The following NAA30 variants were observed in gnomAD, a reference collection of about 807,000 sequenced individuals.
NAA30 encodes N-alpha-acetyltransferase 30.
NAA30 carries 5 observed loss-of-function variants against 31.4 expected under a neutral mutation model. The observed-to-expected ratio is 0.16, with a 90% CI of 0.08 to 0.33. The LOEUF (loss-of-function observed/expected upper bound fraction) is 0.33. NAA30 is among the 10% of genes least tolerant of loss of function. The pLI is 1.00. For missense variants in NAA30, 428 were observed against 490.8 expected (o/e 0.87, Z 1.21); for synonymous variants, 222 against 207.1 (o/e 1.07, Z -0.62).
rs1192106784 is a variant in NAA30, at chr14:57,414,697, T to A, written c.*5181T>A. On this transcript the variant is annotated 3_prime_UTR_variant, in exon 5 of 5. Transcript: ENST00000556492. ...ATTTTTCTGCCTTCCATCACCGCAG[T>A]GTATTACCTTTGACCCTCGCTGGTC... 6.6e-6 allele frequency: 1 copy of A among 152,182 alleles called. No homozygotes were observed. Among genetic ancestry groups the A allele is most frequent in the Non-Finnish European group, 1.5e-5 (1 of 68,038 alleles). The allele number at this position is 152,182 out of a possible 1,614,324, so 9.4% of individuals were successfully genotyped here.
intron 4 of NAA30, among the ~76,000 whole-genome samples, chr14:57,407,351 T>C (rs1349032023): frequency 1.3e-5 from 2 of 152,192 alleles, no homozygotes; most frequent in African/African-American, 4.8e-5. Flanking sequence ...TTAGCATTGG[T>C]CCCTGCTGTT....
In NAA30 at chr14:57,390,681, C is replaced by T. The variant is rs1469635884; in HGVS notation, c.-26C>T. The T allele has an allele frequency of 1.3e-5, 5 of 387,334 alleles. No homozygotes were observed. Among genetic ancestry groups the T allele is most frequent in the Non-Finnish European group, 2.3e-5 (5 of 219,444 alleles). The allele number at this position is 387,334 out of a possible 1,614,324, so 24.0% of individuals were successfully genotyped here. On this transcript the variant is annotated 5_prime_UTR_variant, in exon 1 of 5. Coordinates refer to ENST00000556492, the MANE Select transcript of NAA30 (RefSeq NM_001011713.3). ...GGTGGCGGAGGAAGAGGAGTGGCGG[C>T]AGCGGCGGCGGGGACCCGTGCGGGG...
chr14:57,392,378 A>G (rs145999110), intron 2 of NAA30, among the ~76,000 whole-genome samples: 1 of 152,128 alleles, frequency 6.6e-6, no homozygotes, highest in Non-Finnish European at 1.5e-5. Context: ...TGTGGAATGT[A>G]GAAAACTTGT....
intron 2 of NAA30, among the ~76,000 whole-genome samples, chr14:57,393,995 C>T (rs1338869830): frequency 1.3e-5 from 2 of 151,744 alleles, no homozygotes; most frequent in Non-Finnish European, 2.9e-5. Flanking sequence ...TTCCGTTTTC[C>T]GTGGATAACC....
chr14:57,395,814 A>C (rs2066447976), intron 2 of NAA30, among the ~76,000 whole-genome samples: 1 of 152,188 alleles, frequency 6.6e-6, no homozygotes, highest in Non-Finnish European at 1.5e-5. Flanking sequence ...CTACACTTAC[A>C]TATATTAACA....
rs1383451438 is a variant in NAA30, at chr14:57,413,115, C to G, written c.*3599C>G. Reference sequence around the variant, plus strand: ...CTGTACACTGCCACTCTGTAATGTTCCCCCCACCCCATCCCACCCTTGGTA... The same window carrying G: ...CTGTACACTGCCACTCTGTAATGTTGCCCCCACCCCATCCCACCCTTGGTA... On this transcript the variant is annotated 3_prime_UTR_variant, in exon 5 of 5. Coordinates refer to ENST00000556492, the MANE Select transcript of NAA30 (RefSeq NM_001011713.3). 6.6e-6 allele frequency: 1 copy of G among 151,734 alleles called. No homozygotes were observed. The highest frequency in any genetic ancestry group is 2.4e-5 in the African/African-American group (1 of 41,302). The allele number at this position is 151,734 out of a possible 1,614,324, so 9.4% of individuals were successfully genotyped here.
In NAA30 at chr14:57,399,867, A is replaced by G; in HGVS notation, c.935A>G (p.Glu312Gly). Residue 312 changes from glutamate (E) to glycine (G), a missense_variant, in exon 4 of 5, where the codon GAG becomes GGG. By Grantham distance (98) the Glu-to-Gly change is moderately conservative. Around this residue, in one of 2 missense-constraint regions of NAA30, gnomAD observed 79 missense variants for 180.3 expected, o/e 0.44. Transcript: ENST00000556492. Reference protein sequence around the residue: ...LVKKAIYAMVEGDCDEVVLET... With the variant: ...LVKKAIYAMVGGDCDEVVLET... Reference sequence around the variant, plus strand: ...AAGAAAGCTATATATGCCATGGTTGAGGGAGACTGTGATGAGGTAAGTCTT... The same window carrying G: ...AAGAAAGCTATATATGCCATGGTTGGGGGAGACTGTGATGAGGTAAGTCTT... The G allele has an allele frequency of 6.5e-7, 1 of 1,538,670 alleles. No individual in the cohort carries two copies. The highest frequency in any genetic ancestry group is 9.0e-7 in the Non-Finnish European group (1 of 1,114,058).
chr14:57,401,611 T>C (rs2066477501), intron 4 of NAA30, among the ~76,000 whole-genome samples: 1 of 152,216 alleles, frequency 6.6e-6, no homozygotes, highest in Non-Finnish European at 1.5e-5. Context: ...TTCGGGATAA[T>C]AGATCATGTT....
chr14:57,398,643 A>AT (rs60384591), intron 3 of NAA30, among the ~76,000 whole-genome samples: 103,777 of 148,904 alleles, frequency 0.7, 42,856 homozygotes, highest in Non-Finnish European at 0.89. Flanking sequence ...TTTTATTATT[A>AT]TTTTTTTTTG....
Position 57,393,083 on chromosome 14 carries a change from A to G in NAA30, c.771+1355A>G, listed in dbSNP as rs546873463. Among the ~76,000 whole-genome samples, 15 of 152,302 alleles carry G rather than the reference A, an allele frequency of 9.8e-5. No individual in the cohort carries two copies. In the South Asian group the frequency reaches 3.1e-3, roughly 32 times the overall value. On this transcript the variant is annotated intron_variant, in intron 2 of 4. Coordinates refer to ENST00000556492, the MANE Select transcript of NAA30 (RefSeq NM_001011713.3). ...ATATCAAATGCCACTGTAATTGCTA[A>G]AAATTGTAGATTTAGTTGTAAGTTA...
At position 57,398,645 on chromosome 14, in the gene NAA30, T is replaced by TA. The variant is rs949620357; in HGVS notation, c.896-1183_896-1182insA. On this transcript the variant is annotated intron_variant, in intron 3 of 4. Coordinates refer to ENST00000556492, the MANE Select transcript of NAA30 (RefSeq NM_001011713.3). ...GCTGATTTATTTTTTTTATTATTAT[T>TA]TTTTTTTGAGATAGTCTCACTCTGT... Among the ~76,000 whole-genome samples, 33 of 150,482 alleles carry TA rather than the reference T, an allele frequency of 2.2e-4. 1 individual carries two copies. The highest frequency in any genetic ancestry group is 3.4e-3 in the Middle Eastern group (1 of 290).
At chr14:57,404,003 TTTTGTTTTG>T (rs2066488368) in intron 4 of NAA30, among the ~76,000 whole-genome samples, 1 of 152,130 alleles carries the variant, frequency 6.6e-6, no homozygotes, top group African/African-American at 2.4e-5. Flanking sequence ...TTTTGTTTTG[TTTTGTTTTG>T]TTTGTTTGTT....
chr14:57,404,841 TTGC>T (rs1233831951), intron 4 of NAA30, among the ~76,000 whole-genome samples: 2 of 152,148 alleles, frequency 1.3e-5, no homozygotes, highest in African/African-American at 4.8e-5. Context: ...CGGGAACGAC[TTGC>T]CCCATGATTT....
intron 2 of NAA30, among the ~76,000 whole-genome samples, chr14:57,395,888 T>C (rs1342995747): frequency 6.6e-6 from 1 of 151,760 alleles, no homozygotes; most frequent in Non-Finnish European, 1.5e-5. Context: ...AAATTTTTAA[T>C]TTTTTTTTCC....
chr14:57,409,580 G>A lies in NAA30; in HGVS notation c.*64G>A, dbSNP rs1275335418. 10 of 1,478,402 alleles carry A rather than the reference G, an allele frequency of 6.8e-6. No homozygotes were observed. The African/African-American group carries it at 1.3e-4, about 19-fold the overall frequency. The allele number at this position is 1,478,402 out of a possible 1,614,324, so 91.6% of individuals were successfully genotyped here. On this transcript the variant is annotated 3_prime_UTR_variant, in exon 5 of 5. Transcript: ENST00000556492. The stretch of plus-strand genomic sequence containing the variant: ...TCGACCTTTGCATGCAATGCAATTT[G>A]TACAGAATTGCTTTGCAGGTGGATT...
chr14:57,412,448 A>C lies in NAA30; in HGVS notation c.*2932A>C, dbSNP rs975293557. On this transcript the variant is annotated 3_prime_UTR_variant, in exon 5 of 5. Transcript: ENST00000556492. ...CTTTTCAGGAGTATAGATAAAATCA[A>C]ATTGGTAGTACATCAGAGTTACTTT... The C allele has an allele frequency of 2.0e-5, 3 of 152,194 alleles. No individual in the cohort carries two copies. The highest frequency in any genetic ancestry group is 4.4e-5 in the Non-Finnish European group (3 of 68,024). The allele number at this position is 152,194 out of a possible 1,614,324, so 9.4% of individuals were successfully genotyped here. A position where few individuals can be genotyped will look rare whatever the true frequency, so the allele number is the denominator to read the frequency against.
In NAA30 at chr14:57,391,592, C is replaced by G; in HGVS notation, c.635C>G (p.Thr212Arg). The G allele has an allele frequency of 2.5e-6, 4 of 1,614,192 alleles. No individual in the cohort carries two copies. Among genetic ancestry groups the G allele is most frequent in the Admixed American group, 1.7e-5 (1 of 60,030 alleles). The change falls in exon 2 of 5, where the codon ACG becomes AGG. Residue 212 changes from threonine (T) to arginine (R), a missense_variant. By Grantham distance (71) the Thr-to-Arg change is moderately conservative. Around this residue, in one of 2 missense-constraint regions of NAA30, gnomAD observed 349 missense variants for 310.4 expected, o/e 1.12. Coordinates refer to ENST00000556492, the MANE Select transcript of NAA30 (RefSeq NM_001011713.3). The surrounding 1 kb of genome is among the most constrained non-coding windows in gnomAD (Gnocchi z 4.1). ...GAGGTTGAGCCTGGGGAGGATCGGA[C>G]GATACGATATGTCCGATATGAATCC... The part of the protein sequence containing the change: ...GREVEPGEDR[T>R]IRYVRYESEL...
At position 57,413,351 on chromosome 14, in the gene NAA30, A is replaced by G. The variant is rs1331283380; in HGVS notation, c.*3835A>G. ...TTCTTTAGAGTAATACTGTAAAAGT[A>G]TCTGAGTTTGTTTTATTTGGGCCTT... On this transcript the variant is annotated 3_prime_UTR_variant, in exon 5 of 5. Transcript: ENST00000556492. The G allele has an allele frequency of 6.6e-6, 1 of 152,252 alleles. No individual in the cohort carries two copies. The highest frequency in any genetic ancestry group is 1.5e-5 in the Non-Finnish European group (1 of 68,050). 9.4% of individuals were successfully genotyped at this position (152,252 alleles called of 1,614,324 possible). A position where few individuals can be genotyped will look rare whatever the true frequency, so the allele number is the denominator to read the frequency against.
rs977548445 is a variant in NAA30, at chr14:57,391,427, C to T, written c.470C>T (p.Ala157Val). The change falls in exon 2 of 5, where the codon GCG becomes GTG. Residue 157 changes from alanine to valine, a missense_variant. By Grantham distance (64) the Ala-to-Val change is moderately conservative (BLOSUM62 0). Coordinates refer to ENST00000556492, the MANE Select transcript of NAA30 (RefSeq NM_001011713.3). This position sits in a 1 kb window ranked among gnomAD's most constrained non-coding sequence, Gnocchi z 4.1. Reference sequence around the variant, plus strand: ...GCGGTCCCCAGCCCGGTGGAGGCAGCGGCGGCGAGCGATCCCGCGGCGGCC... The same window carrying T: ...GCGGTCCCCAGCCCGGTGGAGGCAGTGGCGGCGAGCGATCCCGCGGCGGCC... The part of the protein sequence containing the change: ...RTAVPSPVEA[A>V]AASDPAAARN... 1.2e-6 allele frequency: 2 copies of T among 1,605,632 alleles called. No homozygotes were observed. Among genetic ancestry groups the T allele is most frequent in the African/African-American group, 1.3e-5 (1 of 74,926 alleles).
Sources: allele counts gnomAD v4.1 joint callset (sites outside exome capture counted in the v4.1 genomes callset), GRCh38; gene constraint gnomAD v4.1.1; regional missense constraint gnomAD v4.1.1; non-coding constraint Gnocchi (gnomAD v3.1); transcripts MANE v1.5; gene names NCBI Gene and HGNC (gene_info 2026-07-23, HGNC 2026-07-21).